Variants in ZSWIM6 observed in about 807,000 individuals in gnomAD.
The protein encoded by ZSWIM6 is zinc finger SWIM domain-containing protein 6.
Under a neutral mutation model 113.2 loss-of-function variants are expected in ZSWIM6, and 9 were observed. The observed-to-expected ratio is 0.08, with a 90% confidence interval of 0.05 to 0.14. ZSWIM6 has a LOEUF of 0.14. Ranked by LOEUF, ZSWIM6 falls within the 10% of genes least tolerant of loss-of-function variation. The pLI, the probability that ZSWIM6 is intolerant of heterozygous loss-of-function variation, is 1.00. For synonymous variants in ZSWIM6, 611 were observed against 606.5 expected (o/e 1.01, Z -0.11); for missense variants, 1,162 against 1,552.2 (o/e 0.75, Z 4.22).
At chr5:61,520,688 TTAA>T (rs929449548) in intron 4 of ZSWIM6, among the ~76,000 whole-genome samples, 1 of 152,166 alleles carries the variant, frequency 6.6e-6, no homozygotes, top group African/African-American at 2.4e-5. Flanking sequence ...TGCATACTAA[TTAA>T]TAAACATAAT....
chr5:61,398,431 G>A (rs190844421), intron 1 of ZSWIM6, among the ~76,000 whole-genome samples: 6 of 152,032 alleles, frequency 3.9e-5, no homozygotes, highest in Admixed American at 6.6e-5. Context: ...TTCATGAATC[G>A]GTCCCTGGTG....
intron 1 of ZSWIM6, among the ~76,000 whole-genome samples, chr5:61,435,201 GTAC>G (rs1231918644): frequency 2.0e-5 from 3 of 152,124 alleles, no homozygotes; most frequent in African/African-American, 7.2e-5. Context: ...TCTTTGGGGA[GTAC>G]TAAAGGCAGT....
chr5:61,340,849 C>A (rs4323185), intron 1 of ZSWIM6, among the ~76,000 whole-genome samples: 1 of 152,140 alleles, frequency 6.6e-6, no homozygotes, highest in Non-Finnish European at 1.5e-5. Context: ...AGGCTAAATT[C>A]TAATGGCTGC....
chr5:61,349,281 G>A (rs1744735279), intron 1 of ZSWIM6, among the ~76,000 whole-genome samples: 1 of 152,014 alleles, frequency 6.6e-6, no homozygotes, highest in Non-Finnish European at 1.5e-5. Flanking sequence ...AAAAAATTCT[G>A]GCAAATTTTA....
intron 1 of ZSWIM6, among the ~76,000 whole-genome samples, chr5:61,381,834 G>A (rs1400804176): frequency 6.6e-6 from 1 of 152,164 alleles, no homozygotes; most frequent in Non-Finnish European, 1.5e-5. Context: ...AGTTTTTTGT[G>A]TGGATACATG....
At chr5:61,346,129 T>C (rs1291374678) in intron 1 of ZSWIM6, among the ~76,000 whole-genome samples, 1 of 151,996 alleles carries the variant, frequency 6.6e-6, no homozygotes, top group Non-Finnish European at 1.5e-5. Flanking sequence ...GTTTTTTTTT[T>C]AGTAGAGACG....
intron 7 of ZSWIM6, among the ~76,000 whole-genome samples, chr5:61,528,408 G>C (rs13185068): frequency 0.2 from 30,430 of 151,542 alleles, 3,187 homozygotes; most frequent in South Asian, 0.35. Context: ...ATATATATAT[G>C]TGTGTGTATA....
At chr5:61,523,560 T>C (rs1457170349) in intron 5 of ZSWIM6, among the ~76,000 whole-genome samples, 1 of 152,214 alleles carries the variant, frequency 6.6e-6, no homozygotes, top group African/African-American at 2.4e-5. Flanking sequence ...TGAAAAATTC[T>C]TACAAATATG....
chr5:61,431,347 T>TG (rs1291437032), intron 1 of ZSWIM6, among the ~76,000 whole-genome samples: 10 of 112,832 alleles, frequency 8.9e-5, no homozygotes, highest in Admixed American at 3.9e-4. Context: ...CACTCCAGCC[T>TG]GGCGACAGAG....
chr5:61,481,024 A>G (rs923504123), intron 2 of ZSWIM6, among the ~76,000 whole-genome samples: 6 of 152,212 alleles, frequency 3.9e-5, no homozygotes, highest in Admixed American at 2.0e-4. Flanking sequence ...CAATTTTAAC[A>G]AAAAGGGACA....
chr5:61,414,538 T>C (rs1036685572), intron 1 of ZSWIM6, among the ~76,000 whole-genome samples: 2 of 152,216 alleles, frequency 1.3e-5, no homozygotes, highest in Non-Finnish European at 2.9e-5. Context: ...AGATATTTCC[T>C]GTGCCAACTA....
At chr5:61,491,221 G>A (rs1260438484) in intron 3 of ZSWIM6, among the ~76,000 whole-genome samples, 1 of 149,156 alleles carries the variant, frequency 6.7e-6, no homozygotes, top group African/African-American at 2.4e-5. Flanking sequence ...AATTAACAGT[G>A]TTATTCAAAA....
chr5:61,344,004 C>T (rs1193317344), intron 1 of ZSWIM6, among the ~76,000 whole-genome samples: 1 of 151,506 alleles, frequency 6.6e-6, no homozygotes, highest in Non-Finnish European at 1.5e-5. Context: ...AGTGATTCTT[C>T]TGCCTCAGCC....
At chr5:61,347,364 C>A in intron 1 of ZSWIM6, 2 of 175,260 alleles carry the variant, frequency 1.1e-5, no homozygotes, top group South Asian at 1.5e-4. Context: ...GGCTGGCCAC[C>A]AGGTGTCTTT....
chr5:61,386,385 A>G (rs1579968146), intron 1 of ZSWIM6, among the ~76,000 whole-genome samples: 1 of 152,114 alleles, frequency 6.6e-6, no homozygotes, highest in South Asian at 2.1e-4. Flanking sequence ...TTTTACATGG[A>G]TTGGTGATTG....
intron 1 of ZSWIM6, among the ~76,000 whole-genome samples, chr5:61,447,066 T>C (rs969783048): frequency 2.0e-5 from 3 of 152,052 alleles, no homozygotes; most frequent in Non-Finnish European, 2.9e-5. Context: ...CTCCAAAGAA[T>C]TCTGGGGCCA....
chr5:61,441,225 G>C (rs1426171523), intron 1 of ZSWIM6, among the ~76,000 whole-genome samples: 1 of 152,166 alleles, frequency 6.6e-6, no homozygotes, highest in Admixed American at 6.5e-5. Flanking sequence ...GTTCGAAGTT[G>C]ATAGACTTGA....
chr5:61,337,574 G>C (rs938568224), intron 1 of ZSWIM6, among the ~76,000 whole-genome samples: 4 of 152,192 alleles, frequency 2.6e-5, no homozygotes, highest in African/African-American at 9.6e-5. Context: ...CAGAAGGGAA[G>C]TGCCTAAGAA....
chr5:61,543,517 A>G lies in ZSWIM6; in HGVS notation c.2848A>G (p.Thr950Ala). The G allele has an allele frequency of 1.3e-6, 2 of 1,551,592 alleles. No homozygotes were observed. Among genetic ancestry groups the G allele is most frequent in the Non-Finnish European group, 1.7e-6 (2 of 1,146,994 alleles). The stretch of plus-strand genomic sequence containing the variant: ...TACACTCTTTACTCCCACCGAGGCC[A>G]CAAGTATAGTTGCAACTACCGTGAT... ...WFTLFTPTEA[T>A]SIVATTVMSN... The change falls in exon 14 of 14, where the codon ACA (threonine) becomes GCA (alanine). Residue 950 changes from threonine (T) to alanine (A), a missense_variant. Physicochemically the swap from Thr to Ala is moderately conservative, Grantham distance 58. Around this residue, in one of 4 missense-constraint regions of ZSWIM6, gnomAD observed 620 missense variants for 804.6 expected, o/e 0.77. Coordinates refer to ENST00000252744, the MANE Select transcript of ZSWIM6 (RefSeq NM_020928.2). This position sits in a 1 kb window ranked among gnomAD's most constrained non-coding sequence, Gnocchi z 4.3.
Sources: allele counts gnomAD v4.1 joint callset (sites outside exome capture counted in the v4.1 genomes callset), GRCh38; gene constraint gnomAD v4.1.1; regional missense constraint gnomAD v4.1.1; non-coding constraint Gnocchi (gnomAD v3.1); transcripts MANE v1.5; gene names NCBI Gene and HGNC (gene_info 2026-07-23, HGNC 2026-07-21).